ABLIM2: variants seen among roughly 807,000 people sequenced by gnomAD.
ABLIM2 encodes the protein actin binding LIM protein family member 2.
In ABLIM2, 53 loss-of-function variants were observed where a neutral mutation model predicts 97.7. The observed-to-expected ratio is 0.54, with a 90% CI of 0.44 to 0.68. ABLIM2 has a LOEUF of 0.68. Ranked by LOEUF, ABLIM2 falls within the 30% of genes least tolerant of loss-of-function variation. The pLI is 0.00. For synonymous variants in ABLIM2, 361 were observed against 345.8 expected (o/e 1.04, Z -0.49); for missense variants, 835 against 867.2 (o/e 0.96, Z 0.47).
rs1260002434 is a variant in ABLIM2 at position 8,032,280 on chromosome 4, T to C, written c.1048-2504A>G. ...ACGTCCAGTGTTTCTCCACGAGGAC[T>C]GGGTGCTTCCACACAACCCACGTGG... On this transcript the variant is annotated intron_variant, in intron 10 of 20. Transcript: ENST00000447017. The surrounding 1 kb of genome is among the most constrained non-coding windows in gnomAD (Gnocchi z 4.3). Among the ~76,000 whole-genome samples, 2 of 151,556 alleles carry C rather than the reference T, an allele frequency of 1.3e-5. No homozygotes were observed. Among genetic ancestry groups the C allele is most frequent in the African/African-American group, 4.9e-5 (2 of 41,218 alleles).
At chr4:8,014,854 G>A (rs958944994) in intron 14 of ABLIM2, among the ~76,000 whole-genome samples, 1 of 151,986 alleles carries the variant, frequency 6.6e-6, no homozygotes, top group African/African-American at 2.4e-5. Flanking sequence ...CCCAGCCAGC[G>A]CCTTTGCCTC....
intron 8 of ABLIM2, among the ~76,000 whole-genome samples, chr4:8,051,624 T>G: frequency 6.9e-6 from 1 of 145,316 alleles, no homozygotes; most frequent in African/African-American, 2.6e-5. Flanking sequence ...GGAAAAGGGG[T>G]CCTTGGGCAG....
Position 8,002,660 on chromosome 4 carries a change from G to A in ABLIM2, c.1618+5399C>T, listed in dbSNP as rs991958293. On this transcript the variant is annotated intron_variant, in intron 16 of 20. Coordinates refer to ENST00000447017, the MANE Select transcript of ABLIM2 (RefSeq NM_001130083.2). The surrounding 1 kb of genome is among the most constrained non-coding windows in gnomAD (Gnocchi z 6.1). ...CTCACCGTCTCGGTTTCCCAAGGCCGCCCTGCTCCTGCCTCCAGACCTGTC... is the reference window on the plus strand; with the variant it reads ...CTCACCGTCTCGGTTTCCCAAGGCCACCCTGCTCCTGCCTCCAGACCTGTC... Among the ~76,000 whole-genome samples, 2 of 151,980 alleles carry A rather than the reference G, an allele frequency of 1.3e-5. No individual in the cohort carries two copies. Among genetic ancestry groups the A allele is most frequent in the African/African-American group, 2.4e-5 (1 of 41,356 alleles).
At chr4:8,131,864 T>C (rs1163566802) in intron 1 of ABLIM2, among the ~76,000 whole-genome samples, 7 of 67,238 alleles carry the variant, frequency 1.0e-4, no homozygotes, top group Admixed American at 3.9e-4. Context: ...GCAGCCCGCA[T>C]CCCCTGCACA....
At position 8,061,791 on chromosome 4, in the gene ABLIM2, C is replaced by T. The variant is rs897621528; in HGVS notation, c.676-737G>A. 3.3e-5 allele frequency among the ~76,000 whole-genome samples: 5 copies of T among 152,048 alleles called. No individual in the cohort carries two copies. Among genetic ancestry groups the T allele is most frequent in the South Asian group, 2.1e-4 (1 of 4,822 alleles). ...CCCCGTGGCTCATTCTTTCCTAAAACGGGAAGAAGTTTCCTAATCCCTACC... is the reference window on the plus strand; with the variant it reads ...CCCCGTGGCTCATTCTTTCCTAAAATGGGAAGAAGTTTCCTAATCCCTACC... On this transcript the variant is annotated intron_variant, in intron 6 of 20. Transcript: ENST00000447017. The surrounding 1 kb of genome is among the most constrained non-coding windows in gnomAD (Gnocchi z 4.5).
At chr4:7,969,730 G>GACACTGACACACACACACAC (rs1553873854) in intron 20 of ABLIM2, among the ~76,000 whole-genome samples, 21 of 139,690 alleles carry the variant, frequency 1.5e-4, no homozygotes, top group African/African-American at 5.3e-4. Context: ...CTCTCTCTCT[G>GACACTGACACACACACACAC]ACACACACAC....
chr4:7,997,730 C>T (rs1457571128), intron 16 of ABLIM2, among the ~76,000 whole-genome samples: 2 of 152,086 alleles, frequency 1.3e-5, no homozygotes, highest in South Asian at 4.2e-4. Flanking sequence ...CGTATTTCCC[C>T]GAGTCCTGAG....
Position 8,071,715 on chromosome 4 carries a change from C to CCCA in ABLIM2, c.675+5912_675+5913insTGG. 2 of 982,100 alleles carry CCCA rather than the reference C, an allele frequency of 2.0e-6. No homozygotes were observed. Among genetic ancestry groups the CCCA allele is most frequent in the Non-Finnish European group, 1.2e-6 (1 of 826,976 alleles). The allele number at this position is 982,100 out of a possible 1,614,324, so 60.8% of individuals were successfully genotyped here. Reference sequence around the variant, plus strand: ...AAAACCCACCCACCCGCAGCCCCTCCTGGCCCCTGTGAGCCCCCATCAGCC... The same window carrying CCCA: ...AAAACCCACCCACCCGCAGCCCCTCCCCATGGCCCCTGTGAGCCCCCATCAGCC... On this transcript the variant is annotated intron_variant, in intron 6 of 20. Coordinates refer to ENST00000447017, the MANE Select transcript of ABLIM2 (RefSeq NM_001130083.2). This position sits in a 1 kb window ranked among gnomAD's most constrained non-coding sequence, Gnocchi z 6.2.
intron 2 of ABLIM2, among the ~76,000 whole-genome samples, chr4:8,105,456 G>A (rs1253132528): frequency 1.3e-5 from 2 of 152,220 alleles, no homozygotes; most frequent in Non-Finnish European, 2.9e-5. Context: ...AGCCTTTGTG[G>A]AGCGGATGAA....
chr4:8,034,728 TG>T (rs1698315664), intron 10 of ABLIM2, among the ~76,000 whole-genome samples: 1 of 69,922 alleles, frequency 1.4e-5, no homozygotes, highest in Non-Finnish European at 2.8e-5. Context: ...GGTAGGTGGG[TG>T]CAGGTGGGTG....
At chr4:7,982,701 C>CATT (rs59501197) in intron 20 of ABLIM2, among the ~76,000 whole-genome samples, 35,099 of 150,922 alleles carry the variant, frequency 0.23, 4,740 homozygotes, top group Non-Finnish European at 0.31. Flanking sequence ...CTGCAGAGCT[C>CATT]ATTATTATTA....
chr4:8,126,620 G>T (rs1280967048), intron 1 of ABLIM2, among the ~76,000 whole-genome samples: 1 of 152,092 alleles, frequency 6.6e-6, no homozygotes, highest in Non-Finnish European at 1.5e-5. Context: ...TAATATCAGG[G>T]AACTGCGGCA....
chr4:7,976,777 A>G (rs1733542446), intron 20 of ABLIM2, among the ~76,000 whole-genome samples: 1 of 152,172 alleles, frequency 6.6e-6, no homozygotes, highest in South Asian at 2.1e-4. Flanking sequence ...ACACATATAC[A>G]CATACACACA....
At chr4:7,995,313 G>C (rs1752486696) in intron 16 of ABLIM2, among the ~76,000 whole-genome samples, 1 of 152,240 alleles carries the variant, frequency 6.6e-6, no homozygotes, top group Non-Finnish European at 1.5e-5. Flanking sequence ...AGATCGGCCA[G>C]GTACAGGGCC....
Position 7,992,532 on chromosome 4 carries a change from A to G in ABLIM2, c.1680+334T>C, listed in dbSNP as rs1749708252. Reference sequence around the variant, plus strand: ...CCTTGGTTATCAGGCTCTGTGCCATAGGAGGACGAAGACGGTTAGGAGGGG... The same window carrying G: ...CCTTGGTTATCAGGCTCTGTGCCATGGGAGGACGAAGACGGTTAGGAGGGG... On this transcript the variant is annotated intron_variant, in intron 17 of 20. Coordinates refer to ENST00000447017, the MANE Select transcript of ABLIM2 (RefSeq NM_001130083.2). The surrounding 1 kb of genome is among the most constrained non-coding windows in gnomAD (Gnocchi z 5.7). 6.6e-6 allele frequency among the ~76,000 whole-genome samples: 1 copy of G among 152,010 alleles called. No homozygotes were observed. Among genetic ancestry groups the G allele is most frequent in the South Asian group, 2.1e-4 (1 of 4,814 alleles).
In ABLIM2 at chr4:7,972,135, G is replaced by C. The variant is rs529512478; in HGVS notation, c.1825-5032C>G. On this transcript the variant is annotated intron_variant, in intron 20 of 20. Transcript: ENST00000447017. The stretch of plus-strand genomic sequence containing the variant: ...AATGACGGTGGCCATTGCCCCTCCA[G>C]GAGAGCCTTCCCTCCATACCCCGGG... Among the ~76,000 whole-genome samples the C allele has an allele frequency of 2.0e-4, 30 of 152,286 alleles. No individual in the cohort carries two copies. The South Asian group carries it at 6.2e-3, about 32-fold the overall frequency.
chr4:7,985,018 C>T, intron 17 of ABLIM2, 125 bp from the exon 18 acceptor site: 1 of 953,930 alleles, frequency 1.0e-6, no homozygotes, highest in South Asian at 1.6e-5. Context: ...AGTAGGGTGT[C>T]CTTAGCACAG....
chr4:7,996,214 C>A lies in ABLIM2; in HGVS notation c.1619-3287G>T, dbSNP rs1431869810. Among the ~76,000 whole-genome samples, 2 of 152,182 alleles carry A rather than the reference C, an allele frequency of 1.3e-5. No individual in the cohort carries two copies. The highest frequency in any genetic ancestry group is 4.8e-5 in the African/African-American group (2 of 41,456). On this transcript the variant is annotated intron_variant, in intron 16 of 20. Coordinates refer to ENST00000447017, the MANE Select transcript of ABLIM2 (RefSeq NM_001130083.2). This position sits in a 1 kb window ranked among gnomAD's most constrained non-coding sequence, Gnocchi z 4.5. The stretch of plus-strand genomic sequence containing the variant: ...CAAATTAGTGGGCCCTACCCTAGAC[C>A]TCCTGTGTCAGAATTCTGGGGCTGG...
In ABLIM2 at chr4:8,148,074, G is replaced by A. The variant is rs1329404006; in HGVS notation, c.10+10606C>T. 6.6e-6 allele frequency among the ~76,000 whole-genome samples: 1 copy of A among 152,232 alleles called. No individual in the cohort carries two copies. The highest frequency in any genetic ancestry group is 2.4e-5 in the African/African-American group (1 of 41,462). On this transcript the variant is annotated intron_variant, in intron 1 of 20. Coordinates refer to ENST00000447017, the MANE Select transcript of ABLIM2 (RefSeq NM_001130083.2). This position sits in a 1 kb window ranked among gnomAD's most constrained non-coding sequence, Gnocchi z 6.7. ...GGTGGGCAGGCAACAAGGGATAGTG[G>A]CCCGACCTTGCTGGGGGAGAAACCC...
Sources: allele counts gnomAD v4.1 joint callset (sites outside exome capture counted in the v4.1 genomes callset), GRCh38; gene constraint gnomAD v4.1.1; non-coding constraint Gnocchi (gnomAD v3.1); transcripts MANE v1.5; gene names NCBI Gene and HGNC (gene_info 2026-07-23, HGNC 2026-07-21).